The following PFKP variants were observed in gnomAD, a reference collection of about 807,000 sequenced individuals.
PFKP encodes ATP-dependent 6-phosphofructokinase, platelet type.
A neutral mutation model predicts 94.3 loss-of-function variants in PFKP; 101 were observed. The ratio of observed to expected loss-of-function variants is 1.07; its 90% CI spans 0.91 to 1.26. The LOEUF (loss-of-function observed/expected upper bound fraction) is 1.26. PFKP is among the 50% of genes most tolerant of loss of function. The pLI is 0.00. For synonymous variants in PFKP, 573 were observed against 432.6 expected (o/e 1.32, Z -4.03); for missense variants, 1,145 against 1,103.3 (o/e 1.04, Z -0.53).
intron 10 of PFKP, among the ~76,000 whole-genome samples, chr10:3,109,842 G>C (rs1835993452): frequency 1.3e-5 from 2 of 152,104 alleles, no homozygotes; most frequent in African/African-American, 4.8e-5. Context: ...CCGAGAGAGA[G>C]AGATCCGTGG....
chr10:3,113,959 G>A (rs1836528860), intron 13 of PFKP, among the ~76,000 whole-genome samples: 1 of 152,082 alleles, frequency 6.6e-6, no homozygotes, highest in Admixed American at 6.5e-5. Context: ...TGTTCTGTGG[G>A]ATTGACATGT....
intron 8 of PFKP, 125 bp downstream of exon 8, chr10:3,107,434 T>G (rs1835745206): frequency 9.4e-6 from 6 of 638,854 alleles, no homozygotes; most frequent in Non-Finnish European, 1.4e-5. Context: ...TTTAAAACAT[T>G]TTCATAATGA....
chr10:3,086,654 A>G (rs1030010348), intron 2 of PFKP, among the ~76,000 whole-genome samples: 6 of 152,156 alleles, frequency 3.9e-5, no homozygotes, highest in Non-Finnish European at 7.4e-5. Context: ...GCACTAAACC[A>G]AGCGCACACT....
intron 18 of PFKP, among the ~76,000 whole-genome samples, chr10:3,132,897 A>C (rs1014677821): frequency 7.6e-6 from 1 of 132,074 alleles, no homozygotes; most frequent in African/African-American, 3.0e-5. Flanking sequence ...GGGATGATTG[A>C]CGTTCTGGGT....
chr10:3,087,993 T>TC (rs1564280130), intron 2 of PFKP, among the ~76,000 whole-genome samples: 6 of 150,002 alleles, frequency 4.0e-5, no homozygotes, highest in African/African-American at 1.2e-4. Flanking sequence ...TCTTTTTTTT[T>TC]TTTTTTTTTT....
chr10:3,091,831 T>A (rs1834064826), intron 2 of PFKP, among the ~76,000 whole-genome samples: 1 of 152,220 alleles, frequency 6.6e-6, no homozygotes, highest in Non-Finnish European at 1.5e-5. Context: ...TTGTTTGTTT[T>A]AAAGTTTGGT....
intron 1 of PFKP, among the ~76,000 whole-genome samples, chr10:3,080,066 A>C (rs962225100): frequency 6.6e-6 from 1 of 151,700 alleles, no homozygotes; most frequent in African/African-American, 2.4e-5. Context: ...TCCGAGCAAG[A>C]GCACTGGTGG....
intron 3 of PFKP, 124 bp from the exon 4 acceptor site, chr10:3,101,241 T>C: frequency 1.2e-6 from 1 of 848,836 alleles, no homozygotes; most frequent in Admixed American, 2.8e-5. Context: ...AGTTACTAAC[T>C]CACAAGATGA....
chr10:3,128,594 A>T (rs1007491471), intron 16 of PFKP, among the ~76,000 whole-genome samples: 2 of 152,186 alleles, frequency 1.3e-5, no homozygotes, highest in African/African-American at 4.8e-5. Flanking sequence ...TCAGGTGCCC[A>T]GAGTTGCGGG....
At position 3,072,693 on chromosome 10, in the gene PFKP, C is replaced by G. The variant is rs149072664; in HGVS notation, c.112+4986C>G. ...AGAAGCATGTTTTCCCCCTTGGTTA[C>G]AGAAAGCTAAAAGCTTTTGATACAG... On this transcript the variant is annotated intron_variant, in intron 1 of 21. Transcript: ENST00000381125. 3.3e-4 allele frequency among the ~76,000 whole-genome samples: 50 copies of G among 152,044 alleles called. No homozygotes were observed. The East Asian group carries it at 7.3e-3, about 22-fold the overall frequency.
At chr10:3,098,347 C>T (rs986235798) in intron 2 of PFKP, among the ~76,000 whole-genome samples, 4 of 151,900 alleles carry the variant, frequency 2.6e-5, no homozygotes, top group Non-Finnish European at 4.4e-5. Context: ...TTGTATATTC[C>T]GTGGAGAAAA....
intron 4 of PFKP, among the ~76,000 whole-genome samples, chr10:3,102,764 T>C (rs1389139985): frequency 6.6e-6 from 1 of 152,206 alleles, no homozygotes; most frequent in African/African-American, 2.4e-5. Flanking sequence ...GGGAAGCATA[T>C]TGTTTAACAG....
intron 3 of PFKP, chr10:3,101,104 T>A: frequency 1.1e-6 from 1 of 950,396 alleles, no homozygotes; most frequent in Non-Finnish European, 1.7e-6. Flanking sequence ...TCCATGTATT[T>A]AACTGCTGGC....
intron 17 of PFKP, among the ~76,000 whole-genome samples, chr10:3,130,620 C>T (rs1181761366): frequency 1.3e-5 from 2 of 152,154 alleles, no homozygotes; most frequent in Non-Finnish European, 1.5e-5. Flanking sequence ...AGTGCAGTGG[C>T]GTGGTCTCGG....
chr10:3,093,870 C>G (rs1385106065), intron 2 of PFKP, among the ~76,000 whole-genome samples: 3 of 152,134 alleles, frequency 2.0e-5, no homozygotes, highest in Non-Finnish European at 4.4e-5. Context: ...GTCTCCATCT[C>G]CTGACCTTGT....
At chr10:3,110,701 C>T (rs1273165366) in intron 10 of PFKP, among the ~76,000 whole-genome samples, 2 of 151,916 alleles carry the variant, frequency 1.3e-5, no homozygotes, top group African/African-American at 4.8e-5. Context: ...TGTGCGCAGG[C>T]TTGTGTCTCT....
In PFKP at chr10:3,082,046, T is replaced by G. The variant is rs1025541382; in HGVS notation, c.113-342T>G. ...TGGTGATGTGATACTCCATTTTTCA[T>G]CTCCTTCTCAAATCACACACACACA... On this transcript the variant is annotated intron_variant, in intron 1 of 21. Transcript: ENST00000381125. 3.4e-4 allele frequency among the ~76,000 whole-genome samples: 48 copies of G among 139,672 alleles called. 1 individual carries two copies. Among genetic ancestry groups the G allele is most frequent in the Admixed American group, 5.3e-4 (7 of 13,102 alleles). The allele number at this position is 139,672 out of a possible 152,430, so 91.6% of individuals were successfully genotyped here.
At position 3,134,601 on chromosome 10, in the gene PFKP, G is replaced by A. The variant is rs765210959; in HGVS notation, c.2122+19G>A. ...GGCAGAGGTAAGGGGTCTGGGGAGG[G>A]AGGCCACAGCCTCGTGATGCAGGCC... On this transcript the variant is annotated intron_variant, in intron 20 of 21. Coordinates refer to ENST00000381125, the MANE Select transcript of PFKP (RefSeq NM_002627.5). 1.3e-6 allele frequency: 2 copies of A among 1,519,324 alleles called. No individual in the cohort carries two copies. Among genetic ancestry groups the A allele is most frequent in the African/African-American group, 1.4e-5 (1 of 72,896 alleles). The allele number at this position is 1,519,324 out of a possible 1,614,324, so 94.1% of individuals were successfully genotyped here.
intron 6 of PFKP, 89 bp from the exon 7 acceptor site, chr10:3,105,304 C>A: frequency 7.6e-7 from 1 of 1,316,078 alleles, no homozygotes; most frequent in Non-Finnish European, 1.1e-6. Flanking sequence ...GGCGTTAGGT[C>A]TGCACGTCTG....
Sources: allele counts gnomAD v4.1 joint callset (sites outside exome capture counted in the v4.1 genomes callset), GRCh38; gene constraint gnomAD v4.1.1; transcripts MANE v1.5; gene names NCBI Gene and HGNC (gene_info 2026-07-23, HGNC 2026-07-21).